Variants in PRKG1 observed in about 807,000 individuals in gnomAD.
PRKG1 encodes protein kinase cGMP-dependent 1, also known as cGMP-dependent protein kinase 1.
In PRKG1, 35 loss-of-function variants were observed where a neutral mutation model predicts 88.1. That is an observed-to-expected ratio of 0.40 (90% CI 0.30 to 0.53). The LOEUF is 0.53. Ranked by LOEUF, PRKG1 falls within the 20% of genes least tolerant of loss-of-function variation. PRKG1 has a pLI of 0.59. For synonymous variants in PRKG1, 303 were observed against 292.5 expected (o/e 1.04, Z -0.37); for missense variants, 540 against 839.8 (o/e 0.64, Z 4.41).
chr10:51,645,806 T>C (rs1012480600), intron 3 of PRKG1, among the ~76,000 whole-genome samples: 4 of 152,178 alleles, frequency 2.6e-5, no homozygotes, highest in African/African-American at 7.2e-5. Context: ...GTCTTAGCTT[T>C]TTGTACAATT....
chr10:52,005,092 C>G (rs1483602630), intron 5 of PRKG1, among the ~76,000 whole-genome samples: 1 of 152,078 alleles, frequency 6.6e-6, no homozygotes, highest in Non-Finnish European at 1.5e-5. Flanking sequence ...TAGGCAAGCT[C>G]TCTATAAGGG....
chr10:51,755,443 A>C (rs1837835150), intron 3 of PRKG1, among the ~76,000 whole-genome samples: 1 of 152,202 alleles, frequency 6.6e-6, no homozygotes, highest in African/African-American at 2.4e-5. Flanking sequence ...CCACTTAGAA[A>C]TCTAAGTCAT....
intron 2 of PRKG1, among the ~76,000 whole-genome samples, chr10:51,219,719 AT>A (rs1485944039): frequency 9.9e-5 from 15 of 152,092 alleles, no homozygotes; most frequent in South Asian, 2.1e-4. Flanking sequence ...CAAAAAAAAA[AT>A]AATAATAAAA....
chr10:51,637,447 T>A (rs1180437251), intron 3 of PRKG1, among the ~76,000 whole-genome samples: 1 of 152,216 alleles, frequency 6.6e-6, no homozygotes, highest in Non-Finnish European at 1.5e-5. Context: ...TAAATCATTC[T>A]ATTATAAAGA....
chr10:51,356,287 G>T (rs1225265137), intron 2 of PRKG1, among the ~76,000 whole-genome samples: 3 of 151,956 alleles, frequency 2.0e-5, no homozygotes, highest in Non-Finnish European at 2.9e-5. Context: ...AATGGAACCA[G>T]TTTGTAATGT....
At chr10:51,200,745 A>T (rs1048787142) in intron 2 of PRKG1, among the ~76,000 whole-genome samples, 5 of 152,230 alleles carry the variant, frequency 3.3e-5, no homozygotes, top group African/African-American at 1.2e-4. Context: ...AAATGAAACC[A>T]TACTGATTTT....
chr10:51,970,381 T>G, intron 5 of PRKG1, among the ~76,000 whole-genome samples: 1 of 151,654 alleles, frequency 6.6e-6, no homozygotes, highest in East Asian at 1.9e-4. Context: ...ATCTAGAACA[T>G]TTCTACAACC....
chr10:51,280,621 T>G (rs11813310), intron 2 of PRKG1, among the ~76,000 whole-genome samples: 9,637 of 152,276 alleles, frequency 0.063, 1,004 homozygotes, highest in African/African-American at 0.22. Flanking sequence ...CATTTGATCT[T>G]CCATCACTGA....
chr10:51,927,688 C>A (rs148318371), intron 5 of PRKG1, among the ~76,000 whole-genome samples: 1 of 152,088 alleles, frequency 6.6e-6, no homozygotes, highest in Admixed American at 6.6e-5. Context: ...TAAATACTTC[C>A]TATCTCTGCA....
At chr10:51,983,424 G>A (rs1844066417) in intron 5 of PRKG1, among the ~76,000 whole-genome samples, 1 of 152,168 alleles carries the variant, frequency 6.6e-6, no homozygotes, top group Non-Finnish European at 1.5e-5. Flanking sequence ...GCCTGTGAAA[G>A]ACCTATGATG....
intron 3 of PRKG1, among the ~76,000 whole-genome samples, chr10:51,715,709 G>A (rs1264880744): frequency 6.6e-6 from 1 of 152,028 alleles, no homozygotes; most frequent in Non-Finnish European, 1.5e-5. Context: ...TTCTATGATT[G>A]CACCAAGATT....
At chr10:51,469,535 T>C (rs1380465623) in intron 3 of PRKG1, among the ~76,000 whole-genome samples, 3 of 151,912 alleles carry the variant, frequency 2.0e-5, no homozygotes, top group Non-Finnish European at 4.4e-5. Context: ...ATCAGTTTTC[T>C]TATTAGAGTT....
Position 50,991,345 on chromosome 10 carries a change from G to GCCGCCGCCCA in PRKG1, c.-34_-33insCCGCCGCCCA. 1 of 1,421,628 alleles carries GCCGCCGCCCA rather than the reference G, an allele frequency of 7.0e-7. No homozygotes were observed. The highest frequency in any genetic ancestry group is 9.3e-7 in the Non-Finnish European group (1 of 1,076,630). 88.1% of individuals were successfully genotyped at this position (1,421,628 alleles called of 1,614,324 possible). On this transcript the variant is annotated 5_prime_UTR_variant, in exon 1 of 18. Coordinates refer to the PRKG1 transcript ENST00000401604. This position sits in a 1 kb window ranked among gnomAD's most constrained non-coding sequence, Gnocchi z 4.5. ...GCCGCCGCCGCCGCCGCCGCCGCCC[G>GCCGCCGCCCA]AGAAAAAGTTTCGCGGAGGGGCTCA...
intron 2 of PRKG1, among the ~76,000 whole-genome samples, chr10:51,462,544 T>C (rs1454565146): frequency 6.6e-6 from 1 of 152,134 alleles, no homozygotes; most frequent in Non-Finnish European, 1.5e-5. Flanking sequence ...GTGGTATGTG[T>C]ATAGTGGTGC....
At chr10:51,884,423 C>T (rs1841514578) in intron 4 of PRKG1, among the ~76,000 whole-genome samples, 2 of 92,766 alleles carry the variant, frequency 2.2e-5, no homozygotes, top group African/African-American at 4.1e-5. Flanking sequence ...CCAGCCTGGG[C>T]GACAGAGTGA....
chr10:51,868,881 A>T (rs1194140787), intron 4 of PRKG1, among the ~76,000 whole-genome samples: 1 of 152,172 alleles, frequency 6.6e-6, no homozygotes, highest in African/African-American at 2.4e-5. Context: ...TTCTGTTATA[A>T]TGAGTGCATA....
intron 12 of PRKG1, among the ~76,000 whole-genome samples, chr10:52,275,639 G>A (rs1589752593): frequency 1.3e-5 from 2 of 152,106 alleles, no homozygotes; most frequent in South Asian, 4.2e-4. Flanking sequence ...TGTTCTTTTT[G>A]CTTAATCTTG....
intron 2 of PRKG1, among the ~76,000 whole-genome samples, chr10:51,315,212 G>T (rs1450263621): frequency 6.6e-6 from 1 of 152,102 alleles, no homozygotes; most frequent in African/African-American, 2.4e-5. Context: ...GACAAAAAAA[G>T]AAACAGTCAT....
intron 2 of PRKG1, among the ~76,000 whole-genome samples, chr10:51,398,816 C>T (rs1226475441): frequency 1.3e-5 from 2 of 152,208 alleles, no homozygotes; most frequent in Admixed American, 6.5e-5. Context: ...AAGGCTGACC[C>T]TCCAGCCAGT....
Sources: gnomAD v4.1 joint callset for allele counts (sites outside exome capture counted in the v4.1 genomes callset) on GRCh38, gnomAD v4.1.1 for gene constraint, Gnocchi (gnomAD v3.1) non-coding constraint, MANE v1.5 for transcripts, NCBI Gene and HGNC (gene_info 2026-07-23, HGNC 2026-07-21) for gene names.